Variants in AMPH observed in about 807,000 individuals in gnomAD.
AMPH encodes the protein amphiphysin (Stiff-Mann syndrome with breast cancer 128kD autoantigen).
AMPH carries 49 observed loss-of-function variants against 99.1 expected under a neutral mutation model. The ratio of observed to expected loss-of-function variants is 0.49; its 90% CI spans 0.39 to 0.63. AMPH has a LOEUF of 0.63. Among genes scored for constraint, AMPH ranks in the 20% least tolerant of loss-of-function variants. AMPH has a pLI of 0.00. For missense variants in AMPH, 759 were observed against 863.4 expected (o/e 0.88, Z 1.52); for synonymous variants, 314 against 317.3 (o/e 0.99, Z 0.11).
At chr7:38,627,988 T>C (rs1388230698) in intron 1 of AMPH, among the ~76,000 whole-genome samples, 1 of 152,090 alleles carries the variant, frequency 6.6e-6, no homozygotes, top group Non-Finnish European at 1.5e-5. Context: ...TGTAAGCAGA[T>C]ATACATAAAA....
chr7:38,468,216 C>T (rs1787740107), intron 7 of AMPH, among the ~76,000 whole-genome samples: 1 of 152,204 alleles, frequency 6.6e-6, no homozygotes, highest in Non-Finnish European at 1.5e-5. Flanking sequence ...CAAAAGTTAG[C>T]ATCTCACTGA....
intron 1 of AMPH, among the ~76,000 whole-genome samples, chr7:38,582,173 G>A (rs1164327873): frequency 6.6e-6 from 1 of 152,162 alleles, no homozygotes; most frequent in East Asian, 1.9e-4. Context: ...AAAGGAACCA[G>A]CTAAAAAGGA....
chr7:38,436,515 C>A, intron 11 of AMPH, 127 bp from the exon 12 acceptor site: 1 of 703,360 alleles, frequency 1.4e-6, no homozygotes, highest in East Asian at 2.7e-5. Flanking sequence ...CTTTTATAAG[C>A]ATGGTGGCTC....
chr7:38,540,096 T>A (rs1043965792), intron 1 of AMPH, among the ~76,000 whole-genome samples: 3 of 152,244 alleles, frequency 2.0e-5, no homozygotes, highest in African/African-American at 4.8e-5. Context: ...TATGTATTTA[T>A]GTATTTGATA....
intron 1 of AMPH, among the ~76,000 whole-genome samples, chr7:38,592,324 G>A (rs1792886632): frequency 6.6e-6 from 1 of 152,172 alleles, no homozygotes; most frequent in Non-Finnish European, 1.5e-5. Context: ...GCCAGATTTG[G>A]GGGCCTATCC....
At chr7:38,448,262 T>C (rs1786867304) in intron 11 of AMPH, among the ~76,000 whole-genome samples, 1 of 152,168 alleles carries the variant, frequency 6.6e-6, no homozygotes, top group Admixed American at 6.5e-5. Context: ...TATATTGCAG[T>C]CTTAGAATGG....
intron 4 of AMPH, among the ~76,000 whole-genome samples, chr7:38,493,305 A>C (rs2129021125): frequency 6.6e-6 from 1 of 152,290 alleles, no homozygotes; most frequent in East Asian, 1.9e-4. Context: ...AGGACATGAC[A>C]AACAACTGCT....
At chr7:38,522,663 G>T (rs1790011884) in intron 2 of AMPH, among the ~76,000 whole-genome samples, 2 of 152,304 alleles carry the variant, frequency 1.3e-5, no homozygotes, top group Admixed American at 1.3e-4. Flanking sequence ...GAGAGCAGGG[G>T]ACCCTGGACT....
At chr7:38,390,331 T>C (rs67655107) in intron 19 of AMPH, among the ~76,000 whole-genome samples, 12,760 of 152,268 alleles carry the variant, frequency 0.084, 687 homozygotes, top group Middle Eastern at 0.14. Context: ...AACTCTGTGA[T>C]CAATTCTGTG....
At chr7:38,463,168 A>T in intron 9 of AMPH, 55 bp from the exon 10 acceptor site, 1 of 1,612,446 alleles carries the variant, frequency 6.2e-7, no homozygotes, top group Non-Finnish European at 8.5e-7. Context: ...GTATTCATCT[A>T]ATCAGGGGTT....
intron 7 of AMPH, 138 bp downstream of exon 7, chr7:38,475,193 A>C (rs1487696326): frequency 1.7e-6 from 1 of 591,602 alleles, no homozygotes; most frequent in Non-Finnish European, 3.0e-6. Context: ...TAGCTACCAT[A>C]CTGGAAAGCG....
chr7:38,544,153 A>G (rs890769224), intron 1 of AMPH, among the ~76,000 whole-genome samples: 19 of 152,220 alleles, frequency 1.2e-4, no homozygotes, highest in African/African-American at 4.3e-4. Flanking sequence ...AGGAACTCAA[A>G]TGTAATAACT....
intron 20 of AMPH, 66 bp downstream of exon 20, chr7:38,389,738 T>C: frequency 1.7e-6 from 2 of 1,194,750 alleles, no homozygotes; most frequent in Middle Eastern, 3.9e-4. Flanking sequence ...AGGAAGTGAT[T>C]GTGTCCAACA....
intron 1 of AMPH, among the ~76,000 whole-genome samples, chr7:38,567,284 C>A (rs1791779910): frequency 1.3e-5 from 2 of 152,108 alleles, no homozygotes; most frequent in Non-Finnish European, 2.9e-5. Flanking sequence ...CAAACTATCA[C>A]AAGGACAGAA....
chr7:38,438,170 C>T (rs1173408239), intron 11 of AMPH, among the ~76,000 whole-genome samples: 1 of 152,176 alleles, frequency 6.6e-6, no homozygotes, highest in African/African-American at 2.4e-5. Context: ...AAGAACTTTA[C>T]ACATATGAAC....
intron 17 of AMPH, 84 bp from the exon 18 acceptor site, chr7:38,394,298 C>A: frequency 7.1e-7 from 1 of 1,402,224 alleles, no homozygotes; most frequent in Non-Finnish European, 9.9e-7. Context: ...TCTAATCTCC[C>A]CTCTGTGGAG....
chr7:38,511,722 T>C (rs7776979), intron 2 of AMPH, among the ~76,000 whole-genome samples: 130,117 of 152,264 alleles, frequency 0.85, 55,822 homozygotes, highest in Middle Eastern at 0.87. Flanking sequence ...AATGTCAAAG[T>C]CCTTTGTAGA....
At chr7:38,607,633 C>A (rs1483451163) in intron 1 of AMPH, among the ~76,000 whole-genome samples, 1 of 152,102 alleles carries the variant, frequency 6.6e-6, no homozygotes, top group Non-Finnish European at 1.5e-5. Flanking sequence ...GTTTCTACTA[C>A]TGGAAAATGG....
chr7:38,578,984 A>T (rs1354666491), intron 1 of AMPH, among the ~76,000 whole-genome samples: 1 of 152,216 alleles, frequency 6.6e-6, no homozygotes, highest in Non-Finnish European at 1.5e-5. Context: ...GGAAAACTCC[A>T]TTGTACACTT....
Sources: allele counts gnomAD v4.1 joint callset (sites outside exome capture counted in the v4.1 genomes callset), GRCh38; gene constraint gnomAD v4.1.1; transcripts MANE v1.5; gene names NCBI Gene and HGNC (gene_info 2026-07-23, HGNC 2026-07-21).